The following GPC6 variants were observed in gnomAD, a reference collection of about 807,000 sequenced individuals.
The protein encoded by GPC6 is glypican 6.
Under a neutral mutation model 55.2 loss-of-function variants are expected in GPC6, and 14 were observed. The ratio of observed to expected loss-of-function variants is 0.25; its 90% CI spans 0.17 to 0.40. GPC6 has a LOEUF of 0.40. Ranked by LOEUF, GPC6 falls within the 10% of genes least tolerant of loss-of-function variation. The pLI, the probability that GPC6 is intolerant of heterozygous loss-of-function variation, is 1.00. For synonymous variants in GPC6, 278 were observed against 259.6 expected, an observed-to-expected ratio of 1.07 and a Z score of -0.68; for missense variants, 641 against 708.5, an observed-to-expected ratio of 0.90 and a Z score of 1.08.
intron 2 of GPC6, among the ~76,000 whole-genome samples, chr13:93,681,850 CTT>C (rs1881856973): frequency 6.6e-6 from 1 of 152,086 alleles, no homozygotes; most frequent in South Asian, 2.1e-4. Flanking sequence ...ATTTTATTGT[CTT>C]TATCTATTGA....
In GPC6 at chr13:93,536,422, A is replaced by T. The variant is rs118090023; in HGVS notation, c.161-8841A>T. The stretch of plus-strand genomic sequence containing the variant: ...TCCTGCCCCCCAGCCCCAGGTAACC[A>T]CCATTCTACTTTCTGTCTGCATGAT... On this transcript the variant is annotated intron_variant, in intron 1 of 8. Transcript: ENST00000377047. Among the ~76,000 whole-genome samples, 368 of 152,094 alleles carry T rather than the reference A, an allele frequency of 2.4e-3. 8 individuals are homozygous for T. In the East Asian group the frequency reaches 0.065, roughly 27 times the overall value.
At chr13:94,099,200 A>G (rs142892754) in intron 4 of GPC6, among the ~76,000 whole-genome samples, 142 of 152,272 alleles carry the variant, frequency 9.3e-4, no homozygotes, top group East Asian at 6.9e-3. Flanking sequence ...ATATTTTCCT[A>G]TGATTTCCAA....
chr13:93,324,587 CATATATATAT>C (rs34871661), intron 1 of GPC6, among the ~76,000 whole-genome samples: 8 of 122,888 alleles, frequency 6.5e-5, no homozygotes, highest in East Asian at 7.0e-4. Context: ...CACATACATA[CATATATATAT>C]ATATATATAT....
chr13:93,714,350 C>T (rs565976191), intron 2 of GPC6, among the ~76,000 whole-genome samples: 2 of 151,890 alleles, frequency 1.3e-5, no homozygotes, highest in Non-Finnish European at 2.9e-5. Flanking sequence ...CATCACTAGT[C>T]ATCAGAGTAC....
At chr13:94,273,650 G>T in intron 4 of GPC6, among the ~76,000 whole-genome samples, 2 of 152,340 alleles carry the variant, frequency 1.3e-5, no homozygotes, top group East Asian at 3.9e-4. Context: ...GGCACTTGGT[G>T]TACCAGATGG....
At chr13:93,803,288 A>G (rs1320464521) in intron 2 of GPC6, among the ~76,000 whole-genome samples, 1 of 152,200 alleles carries the variant, frequency 6.6e-6, no homozygotes, top group Admixed American at 6.5e-5. Context: ...TGGGCAAATG[A>G]CTTGAATAGA....
intron 2 of GPC6, among the ~76,000 whole-genome samples, chr13:93,655,408 C>T (rs1880619377): frequency 6.6e-6 from 1 of 151,998 alleles, no homozygotes. Context: ...GATGGTGCAG[C>T]TTTATAGCTG....
At chr13:94,370,413 C>G (rs1042161923) in intron 6 of GPC6, among the ~76,000 whole-genome samples, 1 of 152,210 alleles carries the variant, frequency 6.6e-6, no homozygotes, top group African/African-American at 2.4e-5. Context: ...CCCTACTAGG[C>G]AGTGCTACAA....
intron 4 of GPC6, among the ~76,000 whole-genome samples, chr13:94,073,034 ATTATCT>A (rs1247869039): frequency 6.6e-6 from 1 of 152,122 alleles, no homozygotes; most frequent in African/African-American, 2.4e-5. Context: ...GGAAAAAAAG[ATTATCT>A]TTATGTTAGA....
chr13:93,446,445 G>T (rs1878004254), intron 1 of GPC6, among the ~76,000 whole-genome samples: 1 of 152,138 alleles, frequency 6.6e-6, no homozygotes, highest in Admixed American at 6.6e-5. Flanking sequence ...CTAGATAGGA[G>T]GGTATTAGTA....
At chr13:94,185,093 G>A (rs1262897789) in intron 4 of GPC6, among the ~76,000 whole-genome samples, 2 of 152,006 alleles carry the variant, frequency 1.3e-5, no homozygotes, top group Non-Finnish European at 1.5e-5. Flanking sequence ...TAAACATTGA[G>A]CACCCATGGA....
chr13:94,245,084 G>T (rs1304148914), intron 4 of GPC6, among the ~76,000 whole-genome samples: 1 of 151,890 alleles, frequency 6.6e-6, no homozygotes, highest in African/African-American at 2.4e-5. Flanking sequence ...GTGATTTACT[G>T]TGGTCTTCAT....
intron 2 of GPC6, among the ~76,000 whole-genome samples, chr13:93,703,349 T>C (rs1882739116): frequency 6.6e-6 from 1 of 151,850 alleles, no homozygotes; most frequent in South Asian, 2.1e-4. Context: ...AGGTTACTGA[T>C]CACAGATCTT....
intron 1 of GPC6, among the ~76,000 whole-genome samples, chr13:93,441,304 C>G (rs1218185838): frequency 6.6e-6 from 1 of 152,180 alleles, no homozygotes; most frequent in Non-Finnish European, 1.5e-5. Flanking sequence ...AGTTTACAGT[C>G]CCACCAACAG....
At chr13:93,489,355 G>T (rs533200169) in intron 1 of GPC6, among the ~76,000 whole-genome samples, 29 of 151,570 alleles carry the variant, frequency 1.9e-4, no homozygotes, top group Admixed American at 1.4e-3. Flanking sequence ...CCAGTACCAT[G>T]CTGTTTTGGT....
intron 4 of GPC6, among the ~76,000 whole-genome samples, chr13:94,201,945 T>C (rs1035270391): frequency 1.3e-5 from 2 of 151,908 alleles, no homozygotes; most frequent in Admixed American, 6.6e-5. Context: ...TGAGTCTCCA[T>C]CTCAAAAAAT....
At chr13:94,308,287 G>C (rs1952877029) in intron 6 of GPC6, among the ~76,000 whole-genome samples, 2 of 152,116 alleles carry the variant, frequency 1.3e-5, no homozygotes. Flanking sequence ...ACTAAGTAAA[G>C]CATCAACACT....
rs1024955693 is a variant in GPC6, at chr13:93,979,356, T to A, written c.712-48373T>A. ...TTTTGTGTGTGTGTGTTTTTTTTAA[T>A]TTTTTTTTTATTATACTTTGATTAG... On this transcript the variant is annotated intron_variant, in intron 3 of 8. Coordinates refer to ENST00000377047, the MANE Select transcript of GPC6 (RefSeq NM_005708.5). Among the ~76,000 whole-genome samples the A allele has an allele frequency of 3.9e-3, 519 of 133,320 alleles. 6 individuals carry two copies. Among genetic ancestry groups the A allele is most frequent in the African/African-American group, 0.016 (490 of 31,022 alleles). 87.5% of individuals were successfully genotyped at this position (133,320 alleles called of 152,430 possible).
At chr13:94,382,353 G>T (rs1880195823) in intron 6 of GPC6, 61 bp from the exon 7 acceptor site, 1 of 1,586,876 alleles carries the variant, frequency 6.3e-7, no homozygotes, top group African/African-American at 1.3e-5. Flanking sequence ...GTACGTCCTT[G>T]TGTAGAAATG....
Sources: gnomAD v4.1 joint callset for allele counts (sites outside exome capture counted in the v4.1 genomes callset) on GRCh38, gnomAD v4.1.1 for gene constraint, MANE v1.5 for transcripts, NCBI Gene and HGNC (gene_info 2026-07-23, HGNC 2026-07-21) for gene names.